Variants in CD247 observed in about 807,000 individuals in gnomAD.
CD247 encodes the protein CD247 molecule.
In CD247, 13 loss-of-function variants were observed where a neutral mutation model predicts 30.0. The observed-to-expected ratio is 0.43, with a 90% confidence interval of 0.28 to 0.69. The LOEUF (loss-of-function observed/expected upper bound fraction) is 0.69, where lower values mean the gene tolerates loss of function less well. Ranked by LOEUF, CD247 falls within the 30% of genes least tolerant of loss-of-function variation. The pLI is 0.16. For missense variants in CD247, 193 were observed against 212.6 expected, an observed-to-expected ratio of 0.91 and a Z score of 0.57; for synonymous variants, 72 against 80.0, an observed-to-expected ratio of 0.90 and a Z score of 0.53.
intron 1 of CD247, among the ~76,000 whole-genome samples, chr1:167,493,178 G>A (rs565097790): frequency 6.6e-6 from 1 of 151,668 alleles, no homozygotes; most frequent in Admixed American, 6.6e-5. Flanking sequence ...GAGTAGTTGG[G>A]ATTACAGGTG....
intron 1 of CD247, among the ~76,000 whole-genome samples, chr1:167,448,887 T>A (rs997250401): frequency 1.5e-4 from 23 of 152,248 alleles, no homozygotes; most frequent in South Asian, 1.0e-3. Flanking sequence ...AAAATTTTTT[T>A]AAAAAGTACC....
rs1032859635 is a variant in CD247, at chr1:167,494,358, T to C, written c.58+24050A>G. On this transcript the variant is annotated intron_variant, in intron 1 of 7. Transcript: ENST00000362089. The surrounding 1 kb of genome is among the most constrained non-coding windows in gnomAD (Gnocchi z 7.3). Reference sequence around the variant, plus strand: ...ATCTAAGTGAGGACTGGCCAGGTAATTGGAACGTTCTAGAGACTGTTGGGT... The same window carrying C: ...ATCTAAGTGAGGACTGGCCAGGTAACTGGAACGTTCTAGAGACTGTTGGGT... Among the ~76,000 whole-genome samples the C allele has an allele frequency of 6.6e-6, 1 of 152,130 alleles. No homozygotes were observed. Among genetic ancestry groups the C allele is most frequent in the African/African-American group, 2.4e-5 (1 of 41,428 alleles).
At chr1:167,436,059 T>C (rs1175763452) in intron 4 of CD247, among the ~76,000 whole-genome samples, 1 of 152,246 alleles carries the variant, frequency 6.6e-6, no homozygotes, top group Non-Finnish European at 1.5e-5. Flanking sequence ...TCCTGAGCCC[T>C]GTGCTTAAAA....
chr1:167,439,720 G>A (rs770050967), intron 2 of CD247: 5 of 407,040 alleles, frequency 1.2e-5, no homozygotes, highest in Non-Finnish European at 2.3e-5. Context: ...CGCCCCCGGG[G>A]ACATGAGTAT....
In CD247 at chr1:167,439,355, G is replaced by A. The variant is rs74315290; in HGVS notation, c.208C>T (p.Gln70Ter). The A allele has an allele frequency of 6.2e-7, 1 of 1,614,090 alleles. No homozygotes were observed. Among genetic ancestry groups the A allele is most frequent in the African/African-American group, 1.3e-5 (1 of 75,054 alleles). The change falls in exon 3 of 8, where the codon CAG (glutamine) becomes TAG (stop). Residue 70 changes from glutamine (Q) to a stop codon, truncating the protein, a stop_gained. Transcript: ENST00000362089. LOFTEE classifies it high-confidence loss of function. ...CGAGGCTGACTTACGTTATAGAGCT[G>A]GTTCTGGCCCTGCTGGTACGCGGGG... is the stretch of plus-strand genomic sequence containing the variant. ...DAPAYQQGQN[Q>*]LYNELNLGRR...
chr1:167,515,033 G>C (rs1655541581), intron 1 of CD247, among the ~76,000 whole-genome samples: 1 of 152,208 alleles, frequency 6.6e-6, no homozygotes, highest in African/African-American at 2.4e-5. Context: ...GACCGTTTCT[G>C]GGGGATGCTT....
Position 167,473,096 on chromosome 1 carries a change from C to CACAA in CD247, c.59-32330_59-32329insTTGT, listed in dbSNP as rs1241869622. 2.0e-5 allele frequency among the ~76,000 whole-genome samples: 3 copies of CACAA among 147,606 alleles called. No individual in the cohort carries two copies. The East Asian group carries it at 5.8e-4, about 29-fold the overall frequency. Reference sequence around the variant, plus strand: ...TTAGGCGTCTTCTTCAAGTTTTACACACACACACACACACACACACACACA... The same window carrying CACAA: ...TTAGGCGTCTTCTTCAAGTTTTACACACAAACACACACACACACACACACACACA... On this transcript the variant is annotated intron_variant, in intron 1 of 7. Coordinates refer to ENST00000362089, the MANE Select transcript of CD247 (RefSeq NM_198053.3).
chr1:167,460,310 G>A (rs1652933261), intron 1 of CD247, among the ~76,000 whole-genome samples: 1 of 152,172 alleles, frequency 6.6e-6, no homozygotes, highest in Admixed American at 6.5e-5. Context: ...GCTGAGGTGG[G>A]AGGATCACCT....
intron 1 of CD247, among the ~76,000 whole-genome samples, chr1:167,453,222 TC>T (rs1470207152): frequency 1.3e-5 from 2 of 152,118 alleles, no homozygotes; most frequent in Admixed American, 1.3e-4. Context: ...TTTCATTTGA[TC>T]CTAACAACAA....
At chr1:167,488,285 T>C (rs932950700) in intron 1 of CD247, among the ~76,000 whole-genome samples, 2 of 152,366 alleles carry the variant, frequency 1.3e-5, no homozygotes, top group African/African-American at 4.8e-5. Flanking sequence ...AATAATTCAA[T>C]GATACCTGTT....
At chr1:167,500,224 T>C (rs573512471) in intron 1 of CD247, among the ~76,000 whole-genome samples, 6 of 152,318 alleles carry the variant, frequency 3.9e-5, no homozygotes, top group Middle Eastern at 3.4e-3. Context: ...GATGATTAGG[T>C]GGAGAGCATT....
intron 1 of CD247, among the ~76,000 whole-genome samples, chr1:167,469,976 C>T (rs556097936): frequency 6.6e-5 from 10 of 151,938 alleles, no homozygotes; most frequent in African/African-American, 1.5e-4. Context: ...TGCAATGGTG[C>T]GATCTCGGCA....
chr1:167,433,963 G>T, intron 6 of CD247, 57 bp downstream of exon 6: 2 of 1,421,806 alleles, frequency 1.4e-6, no homozygotes, highest in Non-Finnish European at 1.0e-6. Context: ...CCTGCAGCAG[G>T]CGTGTCTGGA....
intron 1 of CD247, among the ~76,000 whole-genome samples, chr1:167,450,730 T>C (rs559110936): frequency 1.3e-5 from 2 of 151,772 alleles, no homozygotes; most frequent in African/African-American, 4.8e-5. Flanking sequence ...CTAGCCAATA[T>C]GGTAAAACCC....
intron 1 of CD247, among the ~76,000 whole-genome samples, chr1:167,506,148 C>T (rs1261338299): frequency 2.0e-5 from 3 of 152,172 alleles, no homozygotes; most frequent in African/African-American, 7.2e-5. Context: ...GTCAAATATT[C>T]CGAGATTCTG....
chr1:167,512,808 C>G (rs858551), intron 1 of CD247, among the ~76,000 whole-genome samples: 34,395 of 152,156 alleles, frequency 0.23, 4,846 homozygotes, highest in Admixed American at 0.39. Context: ...GCTCTGAGGT[C>G]GGGAGGGGAA....
chr1:167,441,143 G>T (rs749473516), intron 1 of CD247, among the ~76,000 whole-genome samples: 1 of 152,224 alleles, frequency 6.6e-6, no homozygotes. Context: ...AGATGTTCAC[G>T]TCTGGATGAA....
At chr1:167,499,931 G>A (rs1654836100) in intron 1 of CD247, among the ~76,000 whole-genome samples, 1 of 152,144 alleles carries the variant, frequency 6.6e-6, no homozygotes, top group Non-Finnish European at 1.5e-5. Context: ...AAAAGCACTG[G>A]CAAAACTACA....
In CD247 at chr1:167,438,629, C is replaced by G. The variant is rs1285289780; in HGVS notation, c.241G>C (p.Glu81Gln). 1 of 1,613,958 alleles carries G rather than the reference C, an allele frequency of 6.2e-7. No homozygotes were observed. The highest frequency in any genetic ancestry group is 2.2e-5 in the East Asian group (1 of 44,898). ...LYNELNLGRR[E>Q]EYDVLDKRRG... ...CTCTTGTCCAAAACATCGTACTCCT[C>G]TCTTCGTCCTAGATTGAGCTCCTAT... Residue 81 changes from glutamate to glutamine, a missense_variant, in exon 4 of 8, where the codon GAG (glutamate) becomes CAG (glutamine). Glu to Gln is a conservative substitution (Grantham distance 29). Transcript: ENST00000362089.
Sources: gnomAD v4.1 joint callset for allele counts (sites outside exome capture counted in the v4.1 genomes callset) on GRCh38, gnomAD v4.1.1 for gene constraint, Gnocchi (gnomAD v3.1) non-coding constraint, MANE v1.5 for transcripts, NCBI Gene and HGNC (gene_info 2026-07-23, HGNC 2026-07-21) for gene names.